The following TENM2 variants were observed in gnomAD, a reference collection of about 807,000 sequenced individuals.
TENM2 encodes the protein teneurin-2.
In TENM2, 52 loss-of-function variants were observed where a neutral mutation model predicts 245.2. The observed-to-expected ratio is 0.21, with a 90% confidence interval of 0.17 to 0.27. TENM2 has a LOEUF of 0.27. Among genes scored for constraint, TENM2 ranks in the 10% least tolerant of loss-of-function variants. The pLI, the probability that TENM2 is intolerant of heterozygous loss-of-function variation, is 1.00. For synonymous variants in TENM2, 1,363 were observed against 1,438.9 expected (o/e 0.95, Z 1.19); for missense variants, 3,046 against 3,666.8 (o/e 0.83, Z 4.37).
chr5:167,406,813 A>G (rs1218762293), intron 2 of TENM2, among the ~76,000 whole-genome samples: 3 of 151,900 alleles, frequency 2.0e-5, no homozygotes, highest in Admixed American at 6.6e-5. Context: ...GGAAATACCT[A>G]CTTACTTTAG....
In TENM2 at chr5:168,155,732, A is replaced by G. The variant is rs80340038; in HGVS notation, c.2423-6879A>G. ...AGAGAAATGACCTACACTTCAGCCT[A>G]TGTGCTAAAGGGAAAGCTTACCACT... On this transcript the variant is annotated intron_variant, in intron 12 of 28. Coordinates refer to ENST00000518659, the Ensembl canonical transcript of TENM2. Among the ~76,000 whole-genome samples, 4 of 152,204 alleles carry G rather than the reference A, an allele frequency of 2.6e-5. No individual in the cohort carries two copies. The East Asian group carries it at 5.8e-4, about 22-fold the overall frequency.
chr5:167,601,216 G>A (rs571809699), intron 2 of TENM2, among the ~76,000 whole-genome samples: 1 of 152,380 alleles, frequency 6.6e-6, no homozygotes, highest in African/African-American at 2.4e-5. Context: ...TGCCATTGGA[G>A]AGTGTTCAAT....
At chr5:167,129,283 G>A in the TENM2 span, among the ~76,000 whole-genome samples, 1 of 152,118 alleles carries the variant, frequency 6.6e-6, no homozygotes, top group South Asian at 2.1e-4. Flanking sequence ...TTTATTGCTG[G>A]TGTCCCGGCT....
intron 2 of TENM2, among the ~76,000 whole-genome samples, chr5:167,801,700 G>C (rs1449619174): frequency 6.6e-6 from 1 of 152,138 alleles, no homozygotes; most frequent in East Asian, 1.9e-4. Flanking sequence ...CCTCCTGAGA[G>C]ATGGCCAGGA....
chr5:167,445,370 G>GAGAGAGAGAGAC (rs869154852), intron 2 of TENM2, among the ~76,000 whole-genome samples: 1 of 119,670 alleles, frequency 8.4e-6, no homozygotes, highest in East Asian at 2.5e-4. Context: ...GAGAGAGAGA[G>GAGAGAGAGAGAC]TGTCAGGTGT....
Position 167,725,818 on chromosome 5 carries a change from G to A in TENM2, c.503-150168G>A, listed in dbSNP as rs188232872. On this transcript the variant is annotated intron_variant, in intron 2 of 28. Coordinates refer to ENST00000518659, the Ensembl canonical transcript of TENM2. ...ATCCTCAAAGAAGCCTTACTCTCTCGCTTTGCCTTGTCCCTTTTGCCTGAA... is the reference window on the plus strand; with the variant it reads ...ATCCTCAAAGAAGCCTTACTCTCTCACTTTGCCTTGTCCCTTTTGCCTGAA... Among the ~76,000 whole-genome samples, 49 of 152,100 alleles carry A rather than the reference G, an allele frequency of 3.2e-4. No individual in the cohort carries two copies. The East Asian group carries it at 6.8e-3, about 21-fold the overall frequency.
intron 2 of TENM2, among the ~76,000 whole-genome samples, chr5:167,668,968 A>C (rs902678144): frequency 2.6e-5 from 4 of 152,180 alleles, no homozygotes; most frequent in Non-Finnish European, 5.9e-5. Flanking sequence ...ATAAATAAAT[A>C]AATAAAATAT....
chr5:166,995,709 G>T, the TENM2 span, among the ~76,000 whole-genome samples: 2 of 149,840 alleles, frequency 1.3e-5, no homozygotes, highest in South Asian at 2.1e-4. Context: ...CCAGCTACTC[G>T]GGAGGCTGAG....
chr5:167,455,978 ATCATGAATTTT>A (rs1231460219), intron 2 of TENM2, among the ~76,000 whole-genome samples: 1 of 152,188 alleles, frequency 6.6e-6, no homozygotes, highest in Non-Finnish European at 1.5e-5. Flanking sequence ...GAGCAACAAA[ATCATGAATTTT>A]GAATGAATTT....
chr5:167,848,469 G>T (rs1255210173), intron 2 of TENM2, among the ~76,000 whole-genome samples: 5 of 152,036 alleles, frequency 3.3e-5, no homozygotes, highest in Non-Finnish European at 5.9e-5. Flanking sequence ...TATATATTTT[G>T]TATGTATATA....
At chr5:167,371,626 G>A (rs938670062) in intron 1 of TENM2, among the ~76,000 whole-genome samples, 1 of 152,074 alleles carries the variant, frequency 6.6e-6, no homozygotes, top group Non-Finnish European at 1.5e-5. Context: ...CTCCCAAAGT[G>A]CTAGGATTAC....
chr5:167,156,339 C>T, the TENM2 span, among the ~76,000 whole-genome samples: 2 of 152,188 alleles, frequency 1.3e-5, no homozygotes, highest in African/African-American at 4.8e-5. Flanking sequence ...TCTCCTCTTT[C>T]GCCTTACTTA....
At chr5:168,139,828 T>C (rs1343408001) in intron 12 of TENM2, among the ~76,000 whole-genome samples, 8 of 152,218 alleles carry the variant, frequency 5.3e-5, no homozygotes, top group Admixed American at 3.9e-4. Flanking sequence ...CATGGCCATG[T>C]AGAAATGCAA....
chr5:167,370,575 G>A (rs10036733), intron 1 of TENM2, among the ~76,000 whole-genome samples: 46,978 of 151,988 alleles, frequency 0.31, 8,692 homozygotes, highest in African/African-American at 0.52. Flanking sequence ...GCATGTAATC[G>A]TTTATCTATA....
the TENM2 span, among the ~76,000 whole-genome samples, chr5:167,083,129 C>T: frequency 4.6e-5 from 7 of 152,032 alleles, no homozygotes; most frequent in East Asian, 1.4e-3. Flanking sequence ...TCTCCTTTCA[C>T]TAGAAAGCAG....
chr5:168,090,671 C>T, exon 8 of TENM2: 1 of 1,613,866 alleles, frequency 6.2e-7, no homozygotes, highest in Non-Finnish European at 8.5e-7. Context: ...CAGAATGAAG[C>T]CGTGTTTGTG....
intron 1 of TENM2, among the ~76,000 whole-genome samples, chr5:167,341,302 C>A (rs993317901): frequency 1.3e-5 from 2 of 152,034 alleles, no homozygotes; most frequent in African/African-American, 2.4e-5. Context: ...AAGATAAATT[C>A]TCTTTCTTTT....
intron 2 of TENM2, among the ~76,000 whole-genome samples, chr5:167,855,907 GAAT>G (rs1771051470): frequency 8.4e-6 from 1 of 119,450 alleles, no homozygotes; most frequent in Non-Finnish European, 1.8e-5. Context: ...GGGAGGGAGG[GAAT>G]GAGGGAGGGA....
chr5:167,111,371 T>C, the TENM2 span, among the ~76,000 whole-genome samples: 1 of 152,186 alleles, frequency 6.6e-6, no homozygotes, highest in Non-Finnish European at 1.5e-5. Context: ...TTCACTGATA[T>C]GGTTTTTATT....
Sources: allele counts gnomAD v4.1 joint callset (sites outside exome capture counted in the v4.1 genomes callset), GRCh38; gene constraint gnomAD v4.1.1; transcripts MANE v1.5; gene names NCBI Gene and HGNC (gene_info 2026-07-23, HGNC 2026-07-21).